ZNF512: variants seen among roughly 807,000 people sequenced by gnomAD.
The protein encoded by ZNF512 is zinc finger protein 512.
A neutral mutation model predicts 77.5 loss-of-function variants in ZNF512; 25 were observed. The ratio of observed to expected loss-of-function variants is 0.32; its 90% CI spans 0.23 to 0.45. The LOEUF (loss-of-function observed/expected upper bound fraction) is 0.45, where lower values mean the gene tolerates loss of function less well. Ranked by LOEUF, ZNF512 falls within the 20% of genes least tolerant of loss-of-function variation. The probability of loss-of-function intolerance (pLI) is 1.00; values close to 1 mark genes in which losing one functional copy is unlikely to be tolerated. For synonymous variants in ZNF512, 246 were observed against 239.9 expected (o/e 1.03, Z -0.24); for missense variants, 483 against 692.6 (o/e 0.70, Z 3.40).
chr2:27,599,266 C>CT (rs1447328634), intron 3 of ZNF512, among the ~76,000 whole-genome samples: 1 of 152,190 alleles, frequency 6.6e-6, no homozygotes, highest in Non-Finnish European at 1.5e-5. Flanking sequence ...GGCTAGCCCT[C>CT]TATCTTGAGC....
intron 2 of ZNF512, among the ~76,000 whole-genome samples, chr2:27,586,120 C>G (rs1293831468): frequency 2.0e-5 from 3 of 152,016 alleles, no homozygotes; most frequent in African/African-American, 7.3e-5. Context: ...ATTTCTGAGT[C>G]CTACACTGAT....
chr2:27,599,486 C>A, intron 3 of ZNF512, 97 bp from the exon 4 acceptor site: 1 of 888,442 alleles, frequency 1.1e-6, no homozygotes. Flanking sequence ...ATGATCTTTC[C>A]TTTTGATGGT....
At chr2:27,594,395 A>G (rs546590083) in intron 2 of ZNF512, among the ~76,000 whole-genome samples, 1,395 of 38,910 alleles carry the variant, frequency 0.036, no homozygotes, top group Middle Eastern at 0.12. Flanking sequence ...CCGGGCAGAG[A>G]CGCTCCTCAC....
At chr2:27,603,017 G>T (rs1315992289) in intron 8 of ZNF512, 123 bp from the exon 9 acceptor site, 12 of 1,077,380 alleles carry the variant, frequency 1.1e-5, no homozygotes, top group Non-Finnish European at 1.6e-5. Context: ...GTTGGAGAGG[G>T]TCTACTGAAA....
rs922562992 is a variant in ZNF512 at position 27,598,400 on chromosome 2, C to T, written c.277+146C>T. On this transcript the variant is annotated intron_variant, in intron 3 of 13. Transcript: ENST00000355467. ...ATCCCAGCACTTTGGGAGGTCGAGG[C>T]GGGCGGATCACAAGGTCAGGAGATC... 40 of 724,264 alleles carry T rather than the reference C, an allele frequency of 5.5e-5. 1 individual carries two copies. The highest frequency in any genetic ancestry group is 4.1e-4 in the Middle Eastern group (1 of 2,412). The allele number at this position is 724,264 out of a possible 1,614,324, so 44.9% of individuals were successfully genotyped here. A position where few individuals can be genotyped will look rare whatever the true frequency, so the allele number is the denominator to read the frequency against.
intron 7 of ZNF512, 141 bp from the exon 8 acceptor site, chr2:27,602,322 A>T: frequency 1.5e-6 from 1 of 668,664 alleles, no homozygotes; most frequent in Non-Finnish European, 2.5e-6. Context: ...AAGATGGAGA[A>T]CACCAGGAGT....
At chr2:27,610,697 C>G (rs1231565935) in intron 10 of ZNF512, among the ~76,000 whole-genome samples, 1 of 146,766 alleles carries the variant, frequency 6.8e-6, no homozygotes, top group East Asian at 2.1e-4. Context: ...TCTCATGCCT[C>G]AGCCTCCCAA....
chr2:27,608,035 G>A lies in ZNF512; in HGVS notation c.1127G>A (p.Arg376Gln), dbSNP rs2148031483. 6.4e-7 allele frequency: 1 copy of A among 1,564,896 alleles called. No individual in the cohort carries two copies. Among genetic ancestry groups the A allele is most frequent in the Non-Finnish European group, 8.6e-7 (1 of 1,159,156 alleles). ...KVLQDLVPDDRKLKYTRPGLP... is the reference protein window; with the variant it reads ...KVLQDLVPDDQKLKYTRPGLP... The stretch of plus-strand genomic sequence containing the variant: ...CTTCAGGACCTGGTACCTGATGATC[G>A]AAAGGTAAGGCAGAAACATGTATCA... The change falls in exon 10 of 14, where the codon CGA (arginine) becomes CAA (glutamine). Residue 376 changes from arginine (R) to glutamine (Q), a missense_variant. Arg to Gln is a conservative substitution (Grantham distance 43). This residue lies in a region of ZNF512 where 324 missense variants were observed against 525.0 expected (regional missense o/e 0.62). Transcript: ENST00000355467.
At position 27,621,406 on chromosome 2, in the gene ZNF512, C is replaced by T. The variant is rs766564939; in HGVS notation, c.1649C>T (p.Ala550Val). 8 of 1,613,844 alleles carry T rather than the reference C, an allele frequency of 5.0e-6. No individual in the cohort carries two copies. In the Admixed American group the frequency reaches 1.3e-4, roughly 27 times the overall value. ...GAACCAGAGCAGGAGCCAGTGCCAG[C>T]ACAGTTCCAGAAAGTAAAGCCCCCA... Reference protein sequence around the residue: ...CKEPEQEPVPAQFQKVKPPKT... With the variant: ...CKEPEQEPVPVQFQKVKPPKT... The change falls in exon 14 of 14, where the codon GCA (alanine) becomes GTA (valine). Residue 550 changes from alanine (A) to valine (V), a missense_variant. By Grantham distance (64) the Ala-to-Val change is moderately conservative. Around this residue, in one of 2 missense-constraint regions of ZNF512, gnomAD observed 324 missense variants for 525.0 expected, o/e 0.62. Transcript: ENST00000355467.
At chr2:27,620,742 C>T (rs1673085426) in intron 13 of ZNF512, among the ~76,000 whole-genome samples, 1 of 152,090 alleles carries the variant, frequency 6.6e-6, no homozygotes, top group Non-Finnish European at 1.5e-5. Context: ...CCCATGGTCA[C>T]GTATCTAGAA....
At chr2:27,620,117 T>C (rs13386814) in intron 13 of ZNF512, among the ~76,000 whole-genome samples, 2,736 of 152,278 alleles carry the variant, frequency 0.018, 68 homozygotes, top group African/African-American at 0.062. Flanking sequence ...AAAAAGTATT[T>C]TAAAAGATGA....
rs1672835405 is a variant in ZNF512, at chr2:27,615,203, C to T, written c.1167C>T (p.Ser389=). 1 of 1,606,318 alleles carries T rather than the reference C, an allele frequency of 6.2e-7. No homozygotes were observed. The highest frequency in any genetic ancestry group is 8.5e-7 in the Non-Finnish European group (1 of 1,176,028). Reference sequence around the variant, plus strand: ...CTCGTCCAGGGCTCCCTACCTTCAGCCAGGAAGTACTACATAAATGGAAGA... The same window carrying T: ...CTCGTCCAGGGCTCCCTACCTTCAGTCAGGAAGTACTACATAAATGGAAGA... ...KYTRPGLPTF[S]QEVLHKWKTD... Residue 389 remains serine (S), a synonymous_variant, in exon 11 of 14, where the codon AGC becomes AGT. Transcript: ENST00000355467.
intron 9 of ZNF512, among the ~76,000 whole-genome samples, chr2:27,607,639 A>G (rs577171388): frequency 6.6e-6 from 1 of 152,186 alleles, no homozygotes. Context: ...AAGTGCTGGG[A>G]TTACAAGAGT....
intron 10 of ZNF512, among the ~76,000 whole-genome samples, chr2:27,610,093 G>T: frequency 6.6e-6 from 1 of 151,202 alleles, no homozygotes. Flanking sequence ...TGCCGGGCGT[G>T]GTGGCTCACG....
At chr2:27,618,600 A>G (rs1320547749) in intron 13 of ZNF512, among the ~76,000 whole-genome samples, 1 of 152,212 alleles carries the variant, frequency 6.6e-6, no homozygotes, top group African/African-American at 2.4e-5. Context: ...CAAAAGAAAG[A>G]AGGAGGGAAG....
chr2:27,621,704 A>T lies in ZNF512; in HGVS notation c.*243A>T. On this transcript the variant is annotated 3_prime_UTR_variant, in exon 14 of 14. Transcript: ENST00000355467. ...TCTTGTTTTTTTATCTTGCCCAAAG[A>T]GCTCCCTCTCAAGGCCAACTATAGG... The T allele has an allele frequency of 4.7e-6, 2 of 423,044 alleles. No individual in the cohort carries two copies. Among genetic ancestry groups the T allele is most frequent in the Non-Finnish European group, 8.5e-6 (2 of 234,232 alleles). The allele number at this position is 423,044 out of a possible 1,614,324, so 26.2% of individuals were successfully genotyped here.
intron 2 of ZNF512, 118 bp downstream of exon 2, chr2:27,583,834 C>A: frequency 1.8e-6 from 2 of 1,127,674 alleles, no homozygotes; most frequent in Non-Finnish European, 2.4e-6. Context: ...GCCACTAACC[C>A]GGTGTGGATT....
chr2:27,602,003 C>T (rs959990327), intron 7 of ZNF512, among the ~76,000 whole-genome samples: 1 of 152,102 alleles, frequency 6.6e-6, no homozygotes, highest in Admixed American at 6.5e-5. Flanking sequence ...AGGCTGGTCT[C>T]GAACTCCTGA....
chr2:27,607,853 C>G lies in ZNF512; in HGVS notation c.945C>G (p.Phe315Leu). The change falls in exon 10 of 14, where the codon TTC (phenylalanine) becomes TTG (leucine). Residue 315 changes from phenylalanine to leucine, a missense_variant. Around this residue, in one of 2 missense-constraint regions of ZNF512, gnomAD observed 324 missense variants for 525.0 expected, o/e 0.62. Coordinates refer to ENST00000355467, the MANE Select transcript of ZNF512 (RefSeq NM_032434.4). ...HLRSEHGPIS[F>L]FPESGQPECL... is the part of the protein sequence containing the mutation. ...GTGTCTCATTCTTGCAGATATCCTT[C>G]TTTCCAGAGTCAGGACAGCCAGAGT... is the stretch of plus-strand genomic sequence containing the variant. 2 of 1,614,122 alleles carry G rather than the reference C, an allele frequency of 1.2e-6. No homozygotes were observed. Among genetic ancestry groups the G allele is most frequent in the Non-Finnish European group, 1.7e-6 (2 of 1,180,010 alleles).
Sources: allele counts gnomAD v4.1 joint callset (sites outside exome capture counted in the v4.1 genomes callset), GRCh38; gene constraint gnomAD v4.1.1; regional missense constraint gnomAD v4.1.1; transcripts MANE v1.5; gene names NCBI Gene and HGNC (gene_info 2026-07-23, HGNC 2026-07-21).